MAML3: variants seen among roughly 807,000 people sequenced by gnomAD.
The protein encoded by MAML3 is mastermind like transcriptional coactivator 3.
MAML3 carries 27 observed loss-of-function variants against 101.9 expected under a neutral mutation model. The ratio of observed to expected loss-of-function variants is 0.27; its 90% CI spans 0.20 to 0.37. The LOEUF (loss-of-function observed/expected upper bound fraction) is 0.37, where lower values mean the gene tolerates loss of function less well. Ranked by LOEUF, MAML3 falls within the 10% of genes least tolerant of loss-of-function variation. The probability of loss-of-function intolerance (pLI) is 1.00; values close to 1 mark genes in which losing one functional copy is unlikely to be tolerated. For missense variants in MAML3, 1,316 were observed against 1,444.9 expected (o/e 0.91, Z 1.45); for synonymous variants, 501 against 555.9 (o/e 0.90, Z 1.39).
rs373599866 is a variant in MAML3, at chr4:140,103,989, G to A, written c.468+48871C>T. ...TGTTCAGGAAATGACTCAAACAAGG[G>A]TATTTCTCCACTATTCTCTCAGTAA... On this transcript the variant is annotated intron_variant, in intron 1 of 4. Coordinates refer to ENST00000509479, the MANE Select transcript of MAML3 (RefSeq NM_018717.5). Among the ~76,000 whole-genome samples, 17 of 152,144 alleles carry A rather than the reference G, an allele frequency of 1.1e-4. 1 individual carries two copies. In the South Asian group the frequency reaches 3.5e-3, roughly 32 times the overall value.
chr4:139,744,886 C>T (rs1392993723), intron 2 of MAML3, among the ~76,000 whole-genome samples: 3 of 152,168 alleles, frequency 2.0e-5, no homozygotes, highest in Non-Finnish European at 4.4e-5. Context: ...GGTGGCATGG[C>T]GTAGAAATAG....
At chr4:140,132,881 G>A (rs983967781) in intron 1 of MAML3, among the ~76,000 whole-genome samples, 1 of 152,116 alleles carries the variant, frequency 6.6e-6, no homozygotes, top group Non-Finnish European at 1.5e-5. Flanking sequence ...CTTTCAATGA[G>A]AGCTGTAGAG....
At chr4:139,969,641 T>C (rs762291248) in intron 1 of MAML3, among the ~76,000 whole-genome samples, 4 of 152,222 alleles carry the variant, frequency 2.6e-5, no homozygotes, top group Non-Finnish European at 5.9e-5. Flanking sequence ...TATGTTAATA[T>C]TCCTTAATCT....
At chr4:140,061,916 G>A (rs1727453445) in intron 1 of MAML3, among the ~76,000 whole-genome samples, 1 of 152,150 alleles carries the variant, frequency 6.6e-6, no homozygotes, top group African/African-American at 2.4e-5. Context: ...GACAGTTGGT[G>A]TGGCAGAAAA....
At chr4:139,982,126 G>C (rs923620257) in intron 1 of MAML3, among the ~76,000 whole-genome samples, 21 of 152,284 alleles carry the variant, frequency 1.4e-4, no homozygotes, top group Non-Finnish European at 2.4e-4. Context: ...AAATTCTTCT[G>C]TGTGATAGAT....
intron 2 of MAML3, among the ~76,000 whole-genome samples, chr4:139,796,747 T>A (rs921633584): frequency 6.6e-6 from 1 of 151,986 alleles, no homozygotes; most frequent in African/African-American, 2.4e-5. Context: ...ACACCAGCAA[T>A]TGCAAAAAGG....
At chr4:140,119,592 CCCCT>C (rs1223219122) in intron 1 of MAML3, among the ~76,000 whole-genome samples, 2 of 98,462 alleles carry the variant, frequency 2.0e-5, no homozygotes, top group East Asian at 3.2e-4. Context: ...CAATTTTTTC[CCCCT>C]CCCTCCCTCC....
At chr4:139,968,965 T>C (rs1246777153) in intron 1 of MAML3, among the ~76,000 whole-genome samples, 1 of 151,884 alleles carries the variant, frequency 6.6e-6, no homozygotes, top group East Asian at 1.9e-4. Flanking sequence ...CAAGTGACTA[T>C]AGCCAGACCT....
At chr4:140,020,464 T>C (rs192021916) in intron 1 of MAML3, among the ~76,000 whole-genome samples, 7 of 152,302 alleles carry the variant, frequency 4.6e-5, no homozygotes, top group Non-Finnish European at 7.4e-5. Flanking sequence ...TTGCTCATAT[T>C]GAGGCTATAA....
chr4:139,976,054 T>A (rs190598852), intron 1 of MAML3, among the ~76,000 whole-genome samples: 1 of 152,348 alleles, frequency 6.6e-6, no homozygotes, highest in Non-Finnish European at 1.5e-5. Context: ...ATTTTCTTCC[T>A]GCTTACATTT....
intron 2 of MAML3, among the ~76,000 whole-genome samples, chr4:139,831,907 C>T (rs1385005735): frequency 6.6e-6 from 1 of 151,826 alleles, no homozygotes; most frequent in African/African-American, 2.4e-5. Flanking sequence ...ATTCTCCTGC[C>T]TCAGCCTCCC....
chr4:139,727,529 TG>T (rs751373295), intron 3 of MAML3, among the ~76,000 whole-genome samples: 2 of 152,256 alleles, frequency 1.3e-5, no homozygotes, highest in African/African-American at 2.4e-5. Context: ...TCTCTAGCTC[TG>T]TGATCTCATA....
chr4:139,925,194 G>A (rs944900558), intron 1 of MAML3, among the ~76,000 whole-genome samples: 1 of 152,078 alleles, frequency 6.6e-6, no homozygotes, highest in Non-Finnish European at 1.5e-5. Flanking sequence ...CAAGGGGTGG[G>A]AGAGAGGATT....
chr4:139,874,916 G>A (rs1732080580), intron 2 of MAML3, among the ~76,000 whole-genome samples: 1 of 149,820 alleles, frequency 6.7e-6, no homozygotes, highest in Admixed American at 6.7e-5. Flanking sequence ...CCATTCTCCT[G>A]CCACAGCCTC....
At chr4:139,793,835 A>T (rs17050911) in intron 2 of MAML3, among the ~76,000 whole-genome samples, 1 of 152,258 alleles carries the variant, frequency 6.6e-6, no homozygotes, top group Admixed American at 6.5e-5. Flanking sequence ...GAATATTCCA[A>T]TGGTGTTCAA....
At chr4:139,823,527 T>C (rs539540433) in intron 2 of MAML3, among the ~76,000 whole-genome samples, 2 of 152,228 alleles carry the variant, frequency 1.3e-5, no homozygotes, top group South Asian at 4.2e-4. Context: ...TTGGCATTCC[T>C]GGTCCTTGGT....
chr4:139,885,369 A>C (rs898167457), intron 2 of MAML3, among the ~76,000 whole-genome samples: 49 of 152,024 alleles, frequency 3.2e-4, no homozygotes, highest in African/African-American at 1.1e-3. Context: ...TAGTGCCACT[A>C]CACTCCAGTC....
intron 1 of MAML3, among the ~76,000 whole-genome samples, chr4:140,115,706 T>G (rs1728506424): frequency 6.6e-6 from 1 of 152,178 alleles, no homozygotes; most frequent in South Asian, 2.1e-4. Context: ...AAAAAGCAAG[T>G]GTACTCAATT....
At chr4:139,825,180 A>C (rs895456390) in intron 2 of MAML3, among the ~76,000 whole-genome samples, 2 of 152,146 alleles carry the variant, frequency 1.3e-5, no homozygotes, top group African/African-American at 4.8e-5. Context: ...TCTTAAAAAA[A>C]AGAATAATGG....
Sources: gnomAD v4.1 joint callset for allele counts (sites outside exome capture counted in the v4.1 genomes callset) on GRCh38, gnomAD v4.1.1 for gene constraint, MANE v1.5 for transcripts, NCBI Gene and HGNC (gene_info 2026-07-23, HGNC 2026-07-21) for gene names.